SPNS2: variants seen among roughly 807,000 people sequenced by gnomAD.
SPNS2 encodes sphingosine-1-phosphate transporter SPNS2.
Under a neutral mutation model 57.6 loss-of-function variants are expected in SPNS2, and 37 were observed. That is an observed-to-expected ratio of 0.64 (90% CI 0.49 to 0.85). The LOEUF (loss-of-function observed/expected upper bound fraction) is 0.85, where lower values mean the gene tolerates loss of function less well. SPNS2 is among the 40% of genes least tolerant of loss of function. The pLI is 0.00. For synonymous variants in SPNS2, 440 were observed against 346.9 expected, an observed-to-expected ratio of 1.27 and a Z score of -2.98; for missense variants, 831 against 779.1, an observed-to-expected ratio of 1.07 and a Z score of -0.79.
Position 4,538,872 on chromosome 17 carries a change from T to C in SPNS2, c.*1424T>C, listed in dbSNP as rs1428762749. The C allele has an allele frequency of 1.3e-6, 1 of 780,908 alleles. No homozygotes were observed. The highest frequency in any genetic ancestry group is 1.7e-5 in the African/African-American group (1 of 59,146). 48.4% of individuals were successfully genotyped at this position (780,908 alleles called of 1,614,324 possible). On this transcript the variant is annotated 3_prime_UTR_variant, in exon 13 of 13. Coordinates refer to ENST00000329078, the MANE Select transcript of SPNS2 (RefSeq NM_001124758.3). ...CAGCCTCAGCGGGGCCCCAGCGATG[T>C]TTTCTTGTTGTACAAGAACCAGGTC...
chr17:4,498,913 G>C lies in SPNS2; in HGVS notation c.-135G>C, dbSNP rs1234793747. On this transcript the variant is annotated 5_prime_UTR_variant, in exon 1 of 13. Coordinates refer to ENST00000329078, the MANE Select transcript of SPNS2 (RefSeq NM_001124758.3). ...GCTGAGCGGTGGCAGCGCCGCAGCC[G>C]GGGCCGGAGCGCAGGAGCCGACGGG... 26 of 379,528 alleles carry C rather than the reference G, an allele frequency of 6.9e-5. 1 individual carries two copies. Among genetic ancestry groups the C allele is most frequent in the African/African-American group, 8.9e-5 (4 of 45,088 alleles). The allele number at this position is 379,528 out of a possible 1,614,324, so 23.5% of individuals were successfully genotyped here. A position where few individuals can be genotyped will look rare whatever the true frequency, so the allele number is the denominator to read the frequency against.
intron 2 of SPNS2, among the ~76,000 whole-genome samples, chr17:4,519,400 G>A (rs1263756449): frequency 6.6e-6 from 1 of 152,134 alleles, no homozygotes; most frequent in Non-Finnish European, 1.5e-5. Flanking sequence ...TGGGGGTTCT[G>A]AGCTCTGGGC....
intron 5 of SPNS2, 115 bp from the exon 6 acceptor site, chr17:4,532,427 G>A: frequency 2.0e-6 from 3 of 1,483,588 alleles, no homozygotes; most frequent in Non-Finnish European, 2.8e-6. Context: ...GCAGATACCT[G>A]CTCAGAGGAG....
chr17:4,537,074 G>C, intron 12 of SPNS2, 128 bp downstream of exon 12: 2 of 1,050,302 alleles, frequency 1.9e-6, no homozygotes, highest in Non-Finnish European at 1.4e-6. Context: ...TCTGGGCTTT[G>C]TCTCTGAAGA....
At chr17:4,524,262 T>C (rs1248430952) in intron 2 of SPNS2, among the ~76,000 whole-genome samples, 2 of 152,144 alleles carry the variant, frequency 1.3e-5, no homozygotes, top group Non-Finnish European at 2.9e-5. Context: ...GCAGCTGGTG[T>C]CAGATCCCCA....
rs932563063 is a variant in SPNS2 at position 4,538,634 on chromosome 17, G to T, written c.*1186G>T. 2.0e-6 allele frequency: 1 copy of T among 496,764 alleles called. No individual in the cohort carries two copies. Among genetic ancestry groups the T allele is most frequent in the Non-Finnish European group, 3.6e-6 (1 of 276,262 alleles). 30.8% of individuals were successfully genotyped at this position (496,764 alleles called of 1,614,324 possible). A position where few individuals can be genotyped will look rare whatever the true frequency, so the allele number is the denominator to read the frequency against. On this transcript the variant is annotated 3_prime_UTR_variant, in exon 13 of 13. Coordinates refer to ENST00000329078, the MANE Select transcript of SPNS2 (RefSeq NM_001124758.3). ...TCAAGGTGGTTCTGGTGCGGGGGTG[G>T]GGTGGGGGGTGAGGCCTTGTGGCCA...
At position 4,533,311 on chromosome 17, in the gene SPNS2, G is replaced by A. The variant is rs573651175; in HGVS notation, c.1157G>A (p.Arg386His). Residue 386 changes from arginine to histidine, a missense_variant, in exon 8 of 13, where the codon CGC becomes CAC. Arg to His is a conservative substitution (Grantham distance 29). Transcript: ENST00000329078. ...LGVVTGAGATRWCRLKTQRAD... is the reference protein window; with the variant it reads ...LGVVTGAGATHWCRLKTQRAD... ...GTGGTCACGGGGGCAGGAGCCACGC[G>A]CTGGTGCCGCCTGAAGACCCAGCGG... 2.2e-5 allele frequency: 35 copies of A among 1,611,644 alleles called. No individual in the cohort carries two copies. The highest frequency in any genetic ancestry group is 1.7e-4 in the African/African-American group (13 of 75,040).
At position 4,536,957 on chromosome 17, in the gene SPNS2, G is replaced by C. The variant is rs548384148; in HGVS notation, c.*4+11G>C. On this transcript the variant is annotated intron_variant, in intron 12 of 12. Transcript: ENST00000329078. ...TGAAAGTCTGAGGTGGTGAGTGCAGGCCGGGAGGCACGTGGGGGCTCCCTA... is the reference window on the plus strand; with the variant it reads ...TGAAAGTCTGAGGTGGTGAGTGCAGCCCGGGAGGCACGTGGGGGCTCCCTA... The C allele has an allele frequency of 6.2e-7, 1 of 1,612,542 alleles. No homozygotes were observed. Among genetic ancestry groups the C allele is most frequent in the African/African-American group, 1.3e-5 (1 of 74,972 alleles).
rs771002180 is a variant in SPNS2, at chr17:4,532,551, G to A, written c.802G>A (p.Val268Ile). Residue 268 changes from valine to isoleucine, a missense_variant, in exon 6 of 13, where the codon GTC (valine) becomes ATC (isoleucine). Coordinates refer to ENST00000329078, the MANE Select transcript of SPNS2 (RefSeq NM_001124758.3). Reference sequence around the variant, plus strand: ...TCCTGCTCTCTGGCAGGTGTCCCCTGTCCTGGGCATGATCACAGGAACACT... The same window carrying A: ...TCCTGCTCTCTGGCAGGTGTCCCCTATCCTGGGCATGATCACAGGAACACT... ...DWHWALRVSPVLGMITGTLIL... is the reference protein window; with the variant it reads ...DWHWALRVSPILGMITGTLIL... The A allele has an allele frequency of 1.9e-6, 3 of 1,614,148 alleles. No individual in the cohort carries two copies. Among genetic ancestry groups the A allele is most frequent in the Non-Finnish European group, 1.7e-6 (2 of 1,180,044 alleles).
Position 4,536,057 on chromosome 17 carries a change from C to T in SPNS2, c.1345-19C>T, listed in dbSNP as rs1196195144. 1.2e-6 allele frequency: 2 copies of T among 1,605,210 alleles called. No homozygotes were observed. The highest frequency in any genetic ancestry group is 1.7e-6 in the Non-Finnish European group (2 of 1,177,076). ...GAGCCTTTCTCCTCTGGCCGCTGACCTGCCCGCCTGTTCCGCAGTACGTGG... is the reference window on the plus strand; with the variant it reads ...GAGCCTTTCTCCTCTGGCCGCTGACTTGCCCGCCTGTTCCGCAGTACGTGG... On this transcript the variant is annotated intron_variant, in intron 9 of 12. Coordinates refer to ENST00000329078, the MANE Select transcript of SPNS2 (RefSeq NM_001124758.3).
rs1402008707 is a variant in SPNS2 at position 4,531,122 on chromosome 17, A to G, written c.792+3A>G. 13 of 1,613,796 alleles carry G rather than the reference A, an allele frequency of 8.1e-6. No individual in the cohort carries two copies. In the African/African-American group the frequency reaches 1.1e-4, roughly 13 times the overall value. On this transcript the variant is annotated splice_donor_region_variant and intron_variant, in intron 5 of 12. Transcript: ENST00000329078. ...GAGACTGGCACTGGGCATTGCGGGT[A>G]AGCCCTACGTCCCTTCCCATGAGGA...
chr17:4,537,066 T>G (rs539716054), intron 12 of SPNS2, 120 bp downstream of exon 12: 1 of 1,109,056 alleles, frequency 9.0e-7, no homozygotes, highest in Non-Finnish European at 1.3e-6. Context: ...CCACCAACTC[T>G]GGGCTTTGTC....
chr17:4,539,032 A>C lies in SPNS2; in HGVS notation c.*1584A>C. 3.4e-6 allele frequency: 3 copies of C among 892,614 alleles called. No homozygotes were observed. The highest frequency in any genetic ancestry group is 3.8e-6 in the Non-Finnish European group (2 of 521,476). 55.3% of individuals were successfully genotyped at this position (892,614 alleles called of 1,614,324 possible). On this transcript the variant is annotated 3_prime_UTR_variant, in exon 13 of 13. Coordinates refer to ENST00000329078, the MANE Select transcript of SPNS2 (RefSeq NM_001124758.3). ...TAAATGAAGAAATAAACCTATTTAA[A>C]TCACCCCCTGGTGGCTCCCTCACAG...
chr17:4,535,000 C>T (rs1419299719), intron 9 of SPNS2, among the ~76,000 whole-genome samples: 2 of 152,182 alleles, frequency 1.3e-5, no homozygotes, highest in South Asian at 2.1e-4. Flanking sequence ...CAGATTCAGG[C>T]CCTTTTCCAC....
chr17:4,516,331 AAAAAAAAAAAAAC>A (rs1227557587), intron 2 of SPNS2, among the ~76,000 whole-genome samples: 3 of 113,586 alleles, frequency 2.6e-5, no homozygotes, highest in African/African-American at 1.0e-4. Context: ...AAAAAAAAAA[AAAAAAAAAAAAAC>A]AAAAAAACCG....
chr17:4,536,709 TTCTC>T (rs1391304177), intron 11 of SPNS2, 187 bp from the exon 12 acceptor site: 4 of 636,990 alleles, frequency 6.3e-6, no homozygotes, highest in Non-Finnish European at 5.5e-6. Flanking sequence ...TCTGACTTCT[TTCTC>T]CTTTCCTCTT....
intron 2 of SPNS2, among the ~76,000 whole-genome samples, chr17:4,520,398 C>T (rs1008911450): frequency 7.2e-5 from 11 of 152,058 alleles, no homozygotes; most frequent in South Asian, 2.1e-4. Flanking sequence ...GCATGATGGC[C>T]GGGGTCTGGC....
At chr17:4,533,936 A>G (rs1905628137) in intron 9 of SPNS2, 83 bp downstream of exon 9, 205 of 632,698 alleles carry the variant, frequency 3.2e-4, no homozygotes, top group East Asian at 9.4e-4. Context: ...GGGCGGGTGA[A>G]GGGGCGGGAG....
intron 2 of SPNS2, among the ~76,000 whole-genome samples, chr17:4,521,335 G>GATCTT (rs1192809569): frequency 2.6e-5 from 4 of 152,226 alleles, no homozygotes; most frequent in Non-Finnish European, 4.4e-5. Flanking sequence ...ATTCTGATCT[G>GATCTT]ATCTCAGGCA....
Sources: gnomAD v4.1 joint callset for allele counts (sites outside exome capture counted in the v4.1 genomes callset) on GRCh38, gnomAD v4.1.1 for gene constraint, MANE v1.5 for transcripts, NCBI Gene and HGNC (gene_info 2026-07-23, HGNC 2026-07-21) for gene names.